Variants in PPP1R21 observed in about 807,000 individuals in gnomAD.
PPP1R21 encodes the protein protein phosphatase 1 regulatory subunit 21, also known as KLRAQ motif containing 1.
In PPP1R21, 85 loss-of-function variants were observed where a neutral mutation model predicts 112.8. That is an observed-to-expected ratio of 0.75 (90% CI 0.63 to 0.90). The LOEUF is 0.90. Among genes scored for constraint, PPP1R21 ranks in the 40% least tolerant of loss-of-function variants. PPP1R21 has a pLI of 0.00. For synonymous variants in PPP1R21, 381 were observed against 322.3 expected (o/e 1.18, Z -1.95); for missense variants, 1,199 against 901.5 (o/e 1.33, Z -4.23).
chr2:48,460,321 T>C (rs1667920821), intron 6 of PPP1R21, among the ~76,000 whole-genome samples, 168 bp downstream of exon 6: 1 of 152,188 alleles, frequency 6.6e-6, no homozygotes, highest in South Asian at 2.1e-4. Context: ...CTAAGCATTC[T>C]TGATAGAGTG....
At chr2:48,501,328 T>C (rs868014905) in intron 17 of PPP1R21, among the ~76,000 whole-genome samples, 13 of 152,344 alleles carry the variant, frequency 8.5e-5, no homozygotes, top group South Asian at 2.1e-4. Flanking sequence ...CTGTATCCAT[T>C]CCTTCCTTCT....
At chr2:48,499,689 C>T (rs1483981127) in intron 17 of PPP1R21, among the ~76,000 whole-genome samples, 2 of 152,176 alleles carry the variant, frequency 1.3e-5, no homozygotes, top group Admixed American at 1.3e-4. Flanking sequence ...TGTAGAAACC[C>T]ATCAGGTTCT....
chr2:48,503,047 A>G (rs950264057), intron 17 of PPP1R21, among the ~76,000 whole-genome samples: 6 of 152,148 alleles, frequency 3.9e-5, no homozygotes, highest in Non-Finnish European at 7.4e-5. Flanking sequence ...CAAGATACCT[A>G]GTATTATAAT....
intron 15 of PPP1R21, among the ~76,000 whole-genome samples, chr2:48,491,424 T>C (rs999100965): frequency 2.6e-5 from 4 of 151,942 alleles, no homozygotes; most frequent in African/African-American, 9.7e-5. Flanking sequence ...GCGCCTGGGG[T>C]GAGGTAGCCA....
intron 9 of PPP1R21, among the ~76,000 whole-genome samples, chr2:48,469,513 T>TATATATATATATATATATAGAGC (rs1668404371): frequency 9.0e-4 from 4 of 4,458 alleles, no homozygotes; most frequent in African/African-American, 4.5e-3. Flanking sequence ...ATAGAGCATA[T>TATATATATATATATATATAGAGC]ATATATATAT....
At chr2:48,457,803 G>A (rs568645990) in intron 3 of PPP1R21, among the ~76,000 whole-genome samples, 1 of 152,274 alleles carries the variant, frequency 6.6e-6, no homozygotes, top group East Asian at 1.9e-4. Flanking sequence ...ATATTTATGA[G>A]CTTATTTTAT....
At chr2:48,469,108 T>C (rs937638233) in intron 9 of PPP1R21, among the ~76,000 whole-genome samples, 2 of 151,568 alleles carry the variant, frequency 1.3e-5, no homozygotes, top group East Asian at 3.9e-4. Context: ...GTGAGACTTA[T>C]CCACTATCAT....
intron 15 of PPP1R21, among the ~76,000 whole-genome samples, chr2:48,494,296 T>C (rs1051357584): frequency 1.4e-5 from 2 of 143,550 alleles, no homozygotes; most frequent in African/African-American, 5.2e-5. Flanking sequence ...CAAAAATGCA[T>C]TTAATGTGCC....
intron 13 of PPP1R21, among the ~76,000 whole-genome samples, 184 bp downstream of exon 13, chr2:48,480,200 G>A (rs1354194657): frequency 6.6e-6 from 1 of 152,214 alleles, no homozygotes; most frequent in Admixed American, 6.5e-5. Context: ...ATTTCTGGAG[G>A]TAAACAAAGT....
At position 48,514,784 on chromosome 2, in the gene PPP1R21, G is replaced by A; in HGVS notation, c.*40G>A. 6.2e-7 allele frequency: 1 copy of A among 1,610,436 alleles called. No homozygotes were observed. The highest frequency in any genetic ancestry group is 8.5e-7 in the Non-Finnish European group (1 of 1,177,468). ...GTTGGCGACTGTTCTTTCCAGACCT[G>A]CTCCTGCTGCACAGAGCCGCAGGGC... On this transcript the variant is annotated 3_prime_UTR_variant, in exon 22 of 22. Transcript: ENST00000294952.
intron 2 of PPP1R21, 85 bp from the exon 3 acceptor site, chr2:48,454,510 T>G: frequency 6.7e-7 from 1 of 1,495,214 alleles, no homozygotes; most frequent in Non-Finnish European, 9.1e-7. Flanking sequence ...TGATTATATT[T>G]TGGTGAAATA....
chr2:48,479,446 A>G (rs1668905001), intron 12 of PPP1R21: 1 of 470,918 alleles, frequency 2.1e-6, no homozygotes, highest in South Asian at 1.6e-5. Context: ...CCGTCTCCAG[A>G]GACTTTAAGT....
intron 1 of PPP1R21, among the ~76,000 whole-genome samples, chr2:48,447,501 T>G (rs563929737): frequency 6.6e-6 from 1 of 152,296 alleles, no homozygotes; most frequent in Non-Finnish European, 1.5e-5. Flanking sequence ...GGGCAGTTGT[T>G]TCTCAGTTAT....
intron 2 of PPP1R21, 118 bp downstream of exon 2, chr2:48,451,194 G>A: frequency 1.3e-6 from 1 of 774,284 alleles, no homozygotes; most frequent in Admixed American, 1.9e-5. Context: ...ACTAGGGATA[G>A]GGGACAGTAA....
intron 17 of PPP1R21, among the ~76,000 whole-genome samples, chr2:48,502,509 T>A (rs1269739753): frequency 6.6e-6 from 1 of 152,036 alleles, no homozygotes; most frequent in Non-Finnish European, 1.5e-5. Flanking sequence ...TGGCTGTGTA[T>A]GTGTGTGTGT....
intron 16 of PPP1R21, 146 bp downstream of exon 16, chr2:48,495,917 A>G (rs1462937994): frequency 3.6e-6 from 2 of 554,760 alleles, no homozygotes; most frequent in Non-Finnish European, 6.4e-6. Context: ...TAAAAAGCAA[A>G]TAGACATAAT....
chr2:48,448,978 C>G (rs1244874739), intron 1 of PPP1R21, among the ~76,000 whole-genome samples: 2 of 151,584 alleles, frequency 1.3e-5, no homozygotes, highest in Non-Finnish European at 2.9e-5. Flanking sequence ...ATTTGGCCCT[C>G]AGACCTTAGT....
chr2:48,513,789 T>C (rs962002637), intron 21 of PPP1R21, among the ~76,000 whole-genome samples: 1 of 152,204 alleles, frequency 6.6e-6, no homozygotes, highest in Non-Finnish European at 1.5e-5. Context: ...AGAAAATGTA[T>C]TTATGCCTAA....
intron 1 of PPP1R21, among the ~76,000 whole-genome samples, chr2:48,446,681 A>C (rs1423013509): frequency 6.6e-6 from 1 of 152,182 alleles, no homozygotes; most frequent in Non-Finnish European, 1.5e-5. Flanking sequence ...GCAGGCAGGA[A>C]ATACAAGGAA....
Sources: gnomAD v4.1 joint callset for allele counts (sites outside exome capture counted in the v4.1 genomes callset) on GRCh38, gnomAD v4.1.1 for gene constraint, MANE v1.5 for transcripts, NCBI Gene and HGNC (gene_info 2026-07-23, HGNC 2026-07-21) for gene names.